The following KIF26B variants were observed in gnomAD, a reference collection of about 807,000 sequenced individuals.
KIF26B encodes kinesin family member 26B.
KIF26B carries 63 observed loss-of-function variants against 151.2 expected under a neutral mutation model. The ratio of observed to expected loss-of-function variants is 0.42; its 90% CI spans 0.34 to 0.51. KIF26B has a LOEUF of 0.51. KIF26B is among the 20% of genes least tolerant of loss of function. KIF26B has a pLI of 0.07. For synonymous variants in KIF26B, 1,357 were observed against 1,262.1 expected (o/e 1.08, Z -1.59); for missense variants, 2,813 against 2,913.6 (o/e 0.97, Z 0.79).
intron 2 of KIF26B, among the ~76,000 whole-genome samples, chr1:245,235,357 T>C (rs775582097): frequency 4.0e-5 from 6 of 151,868 alleles, no homozygotes; most frequent in Non-Finnish European, 7.4e-5. Flanking sequence ...TTTGAGAGGC[T>C]GAGGCAGGAG....
intron 4 of KIF26B, among the ~76,000 whole-genome samples, chr1:245,442,697 C>T (rs1361679809): frequency 2.7e-5 from 4 of 150,414 alleles, no homozygotes; most frequent in African/African-American, 9.8e-5. Context: ...CACTGTTCAC[C>T]TAGAGCTGTC....
chr1:245,400,489 T>G lies in KIF26B; in HGVS notation c.1000-19090T>G, dbSNP rs74347961. 2.4e-3 allele frequency among the ~76,000 whole-genome samples: 26 copies of G among 10,974 alleles called. 1 individual carries two copies. Among genetic ancestry groups the G allele is most frequent in the Non-Finnish European group, 3.9e-3 (9 of 2,320 alleles). 7.2% of individuals were successfully genotyped at this position (10,974 alleles called of 152,430 possible). A position where few individuals can be genotyped will look rare whatever the true frequency, so the allele number is the denominator to read the frequency against. ...ATAAAACAATCACATAGATAGTGAG[T>G]TTTTTTTTTTTTTTTTTGAAATTAC... On this transcript the variant is annotated intron_variant, in intron 3 of 14. Transcript: ENST00000407071.
intron 3 of KIF26B, among the ~76,000 whole-genome samples, chr1:245,373,567 C>T (rs1003534158): frequency 4.6e-5 from 7 of 152,146 alleles, no homozygotes; most frequent in Non-Finnish European, 8.8e-5. Context: ...CAATGAAGGT[C>T]GTCCATGTGC....
At chr1:245,410,591 A>G (rs1476743868) in intron 3 of KIF26B, among the ~76,000 whole-genome samples, 4 of 152,126 alleles carry the variant, frequency 2.6e-5, no homozygotes, top group Admixed American at 2.6e-4. Context: ...CTGGAATTAC[A>G]GGCGCGTGCC....
At chr1:245,526,978 C>T (rs551974743) in intron 4 of KIF26B, among the ~76,000 whole-genome samples, 25 of 152,256 alleles carry the variant, frequency 1.6e-4, no homozygotes, top group South Asian at 1.5e-3. Flanking sequence ...TTCTATCAAA[C>T]GGTGAAGGAA....
At chr1:245,417,175 T>C (rs1756905) in intron 3 of KIF26B, among the ~76,000 whole-genome samples, 90,707 of 151,776 alleles carry the variant, frequency 0.6, 27,692 homozygotes, top group Middle Eastern at 0.68. Flanking sequence ...TATTTGTTTT[T>C]TTTTAGAAAA....
intron 4 of KIF26B, among the ~76,000 whole-genome samples, chr1:245,477,320 C>G (rs964236588): frequency 1.3e-5 from 2 of 149,488 alleles, no homozygotes; most frequent in African/African-American, 4.9e-5. Context: ...CAAGCATGCA[C>G]TGTGTGCCGG....
At chr1:245,514,534 A>T (rs1660907907) in intron 4 of KIF26B, among the ~76,000 whole-genome samples, 1 of 151,832 alleles carries the variant, frequency 6.6e-6, no homozygotes, top group African/African-American at 2.4e-5. Context: ...TCCATCTCAA[A>T]AATAATAATA....
rs1330637715 is a variant in KIF26B, at chr1:245,688,291, G to A, written c.5308G>A (p.Gly1770Ser). Residue 1770 changes from glycine (G) to serine (S), a missense_variant, in exon 12 of 15, where the codon GGC becomes AGC. By Grantham distance (56) the Gly-to-Ser change is moderately conservative (BLOSUM62 0). Coordinates refer to ENST00000407071, the MANE Select transcript of KIF26B (RefSeq NM_018012.4). ...TKSLPQAVGQ[G>S]SSSPPGGKHT... Reference sequence around the variant, plus strand: ...GTCCCTGCCGCAGGCGGTGGGCCAGGGCTCCAGCTCGCCCCCCGGTGGGAA... The same window carrying A: ...GTCCCTGCCGCAGGCGGTGGGCCAGAGCTCCAGCTCGCCCCCCGGTGGGAA... The A allele has an allele frequency of 1.9e-6, 3 of 1,596,490 alleles. No homozygotes were observed. The highest frequency in any genetic ancestry group is 2.7e-5 in the African/African-American group (2 of 74,834).
At chr1:245,699,794 G>A (rs947789421) in intron 14 of KIF26B, among the ~76,000 whole-genome samples, 3 of 152,136 alleles carry the variant, frequency 2.0e-5, no homozygotes, top group Non-Finnish European at 2.9e-5. Flanking sequence ...CCTCCGGCAG[G>A]CCTCCTTTGT....
intron 2 of KIF26B, among the ~76,000 whole-genome samples, 196 bp downstream of exon 2, chr1:245,156,879 C>CG (rs1418665617): frequency 6.6e-6 from 1 of 152,140 alleles, no homozygotes; most frequent in South Asian, 2.1e-4. Context: ...CCAGGCCGCC[C>CG]GGGGGGCAGG....
chr1:245,186,339 C>T (rs983750015), intron 2 of KIF26B, among the ~76,000 whole-genome samples: 1 of 152,228 alleles, frequency 6.6e-6, no homozygotes, highest in African/African-American at 2.4e-5. Context: ...AGAATGGACC[C>T]TGCTTCCGTA....
chr1:245,173,841 C>T (rs934736823), intron 2 of KIF26B, among the ~76,000 whole-genome samples: 3 of 152,262 alleles, frequency 2.0e-5, no homozygotes, highest in African/African-American at 7.2e-5. Flanking sequence ...CTTAGCTCCT[C>T]CCTCTGCATT....
chr1:245,463,336 G>A (rs1319731585), intron 4 of KIF26B, among the ~76,000 whole-genome samples: 3 of 152,204 alleles, frequency 2.0e-5, no homozygotes, highest in Non-Finnish European at 4.4e-5. Flanking sequence ...TCATGGCTAA[G>A]AAGTGGCAGA....
At chr1:245,620,774 T>A (rs1228681742) in intron 9 of KIF26B, among the ~76,000 whole-genome samples, 1 of 152,220 alleles carries the variant, frequency 6.6e-6, no homozygotes, top group Non-Finnish European at 1.5e-5. Flanking sequence ...TAACTCTCTT[T>A]ACAAAATCAT....
intron 5 of KIF26B, among the ~76,000 whole-genome samples, chr1:245,562,073 C>T (rs951762660): frequency 2.0e-5 from 3 of 152,136 alleles, no homozygotes; most frequent in Non-Finnish European, 2.9e-5. Flanking sequence ...GCAGATCAGA[C>T]TCAGCACTGA....
chr1:245,518,726 T>C (rs12569246), intron 4 of KIF26B, among the ~76,000 whole-genome samples: 1 of 152,176 alleles, frequency 6.6e-6, no homozygotes, highest in Non-Finnish European at 1.5e-5. Flanking sequence ...GAACAACATC[T>C]TGGATGCTTT....
At chr1:245,551,982 C>A (rs766741833) in intron 5 of KIF26B, among the ~76,000 whole-genome samples, 3 of 152,136 alleles carry the variant, frequency 2.0e-5, no homozygotes, top group Non-Finnish European at 4.4e-5. Context: ...AATGTAAGCT[C>A]CATGAGGGCA....
chr1:245,271,148 A>G (rs1004345533), intron 2 of KIF26B, among the ~76,000 whole-genome samples: 2 of 152,166 alleles, frequency 1.3e-5, no homozygotes, highest in East Asian at 3.8e-4. Flanking sequence ...TGTTTTGATT[A>G]CAGTAGCTTT....
Sources: allele counts gnomAD v4.1 joint callset (sites outside exome capture counted in the v4.1 genomes callset), GRCh38; gene constraint gnomAD v4.1.1; transcripts MANE v1.5; gene names NCBI Gene and HGNC (gene_info 2026-07-23, HGNC 2026-07-21).